FXR1: variants seen among roughly 807,000 people sequenced by gnomAD.
FXR1 encodes FMR1 autosomal homolog 1.
A neutral mutation model predicts 84.0 loss-of-function variants in FXR1; 15 were observed. The observed-to-expected ratio is 0.18, with a 90% CI of 0.12 to 0.27. The LOEUF is 0.27. FXR1 is among the 10% of genes least tolerant of loss of function. The pLI is 1.00. For missense variants in FXR1, 480 were observed against 774.4 expected, an observed-to-expected ratio of 0.62 and a Z score of 4.51; for synonymous variants, 245 against 250.7, an observed-to-expected ratio of 0.98 and a Z score of 0.21.
intron 3 of FXR1, among the ~76,000 whole-genome samples, chr3:180,936,089 A>G (rs1409508200): frequency 6.6e-6 from 1 of 151,498 alleles, no homozygotes; most frequent in East Asian, 2.0e-4. Flanking sequence ...ACGGGCTTTC[A>G]TGATGTTGGC....
chr3:180,932,077 A>AAAAAAAAAAC (rs2108442248), intron 1 of FXR1, among the ~76,000 whole-genome samples: 1 of 138,884 alleles, frequency 7.2e-6, no homozygotes, highest in South Asian at 2.1e-4. Context: ...GTAAGTTTCA[A>AAAAAAAAAAC]AAAAAAAAAA....
intron 15 of FXR1, among the ~76,000 whole-genome samples, chr3:180,972,441 G>GAC (rs1349355039): frequency 6.6e-6 from 1 of 152,194 alleles, no homozygotes. Flanking sequence ...GGGTGACAGT[G>GAC]AGACCCTGTC....
chr3:180,964,862 C>A (rs985245894), intron 13 of FXR1, among the ~76,000 whole-genome samples: 1 of 151,482 alleles, frequency 6.6e-6, no homozygotes, highest in African/African-American at 2.4e-5. Flanking sequence ...TTGATGGCCT[C>A]TTGGAGTCGA....
At chr3:180,947,246 C>T (rs948045508) in intron 3 of FXR1, among the ~76,000 whole-genome samples, 3 of 152,090 alleles carry the variant, frequency 2.0e-5, no homozygotes, top group Non-Finnish European at 2.9e-5. Flanking sequence ...CAGGGTTTAC[C>T]GTGTTGGTCA....
At chr3:180,975,826 A>G (rs1424386161) in intron 16 of FXR1, among the ~76,000 whole-genome samples, 2 of 152,132 alleles carry the variant, frequency 1.3e-5, no homozygotes, top group Non-Finnish European at 2.9e-5. Flanking sequence ...TTAACTGTTT[A>G]TGTCATTTTC....
At chr3:180,975,998 T>C (rs1714191381) in intron 16 of FXR1, 124 bp from the exon 17 acceptor site, 2 of 641,746 alleles carry the variant, frequency 3.1e-6, no homozygotes, top group African/African-American at 1.9e-5. Flanking sequence ...TTTAATACTT[T>C]GATCCATTGT....
In FXR1 at chr3:180,961,551, A is replaced by G. The variant is rs754078133; in HGVS notation, c.1074A>G (p.Leu358=). The change falls in exon 11 of 17, where the codon CTA becomes CTG. Residue 358 remains leucine (L), a synonymous_variant. Coordinates refer to ENST00000357559, the MANE Select transcript of FXR1 (RefSeq NM_005087.4). ...QVLLEYHIAY[L]KEVEQLRMER... Reference sequence around the variant, plus strand: ...TTCTAGAGTATCATATTGCCTATCTAAAGGTTTGTATACGGTTCATACTAT... The same window carrying G: ...TTCTAGAGTATCATATTGCCTATCTGAAGGTTTGTATACGGTTCATACTAT... 2 of 1,398,698 alleles carry G rather than the reference A, an allele frequency of 1.4e-6. No individual in the cohort carries two copies. The highest frequency in any genetic ancestry group is 1.8e-4 in the Middle Eastern group (1 of 5,670). The allele number at this position is 1,398,698 out of a possible 1,614,324, so 86.6% of individuals were successfully genotyped here. A position where few individuals can be genotyped will look rare whatever the true frequency, so the allele number is the denominator to read the frequency against.
intron 15 of FXR1, chr3:180,971,534 C>T (rs1006760573): frequency 6.6e-6 from 1 of 152,444 alleles, no homozygotes; most frequent in Non-Finnish European, 1.5e-5. Flanking sequence ...ATGGTGCCTG[C>T]TTACTATATC....
At chr3:180,930,138 C>T (rs1337380638) in intron 1 of FXR1, among the ~76,000 whole-genome samples, 3 of 152,086 alleles carry the variant, frequency 2.0e-5, no homozygotes, top group African/African-American at 7.2e-5. Flanking sequence ...TGGCGTGTGC[C>T]TGTAATCCCA....
At position 180,915,664 on chromosome 3, in the gene FXR1, T is replaced by TA. The variant is rs566611444; in HGVS notation, c.51+2929dup. The TA allele has an allele frequency of 4.0e-4, 285 of 704,118 alleles. 1 individual carries two copies. The highest frequency in any genetic ancestry group is 1.0e-3 in the South Asian group (70 of 67,332). 43.6% of individuals were successfully genotyped at this position (704,118 alleles called of 1,614,324 possible). Reference sequence around the variant, plus strand: ...GAATTTCCCTTTTTTCCCCTCCTCTTACCCCGTATAGGCAGAAGACACACA... The same window carrying TA: ...GAATTTCCCTTTTTTCCCCTCCTCTTAACCCCGTATAGGCAGAAGACACACA... On this transcript the variant is annotated intron_variant, in intron 1 of 16. Coordinates refer to ENST00000357559, the MANE Select transcript of FXR1 (RefSeq NM_005087.4).
chr3:180,972,790 C>G (rs751860886), intron 15 of FXR1, among the ~76,000 whole-genome samples: 1 of 152,282 alleles, frequency 6.6e-6, no homozygotes, highest in Non-Finnish European at 1.5e-5. Context: ...CTACTTCCCT[C>G]TTTTAAAACT....
At chr3:180,921,990 AGTATTACT>A (rs556082987) in intron 1 of FXR1, among the ~76,000 whole-genome samples, 1 of 152,158 alleles carries the variant, frequency 6.6e-6, no homozygotes, top group African/African-American at 2.4e-5. Flanking sequence ...AGGGTTTTTC[AGTATTACT>A]GTATAAAAAT....
intron 9 of FXR1, chr3:180,957,586 C>T (rs1050055683): frequency 5.3e-6 from 2 of 377,394 alleles, no homozygotes; most frequent in Admixed American, 4.5e-5. Context: ...TACATGTGAG[C>T]ACTGTTGTCA....
At chr3:180,956,096 AC>A (rs1722715677) in intron 9 of FXR1, among the ~76,000 whole-genome samples, 1 of 152,206 alleles carries the variant, frequency 6.6e-6, no homozygotes, top group Non-Finnish European at 1.5e-5. Context: ...GAAAAAGAGA[AC>A]TGAGGATTAA....
intron 7 of FXR1, among the ~76,000 whole-genome samples, chr3:180,950,941 G>A (rs1235041384): frequency 6.6e-6 from 1 of 152,044 alleles, no homozygotes; most frequent in Non-Finnish European, 1.5e-5. Context: ...GGCCGCGTGT[G>A]GTAGCTCATG....
intron 1 of FXR1, among the ~76,000 whole-genome samples, chr3:180,924,121 G>A (rs890114546): frequency 3.3e-5 from 5 of 152,120 alleles, no homozygotes; most frequent in African/African-American, 9.7e-5. Flanking sequence ...ACCATGCCGA[G>A]CTAATTTTTG....
intron 4 of FXR1, 119 bp downstream of exon 4, chr3:180,948,055 T>C: frequency 1.5e-6 from 1 of 660,806 alleles, no homozygotes; most frequent in South Asian, 2.0e-5. Flanking sequence ...TGAGAAATAG[T>C]TGATCAGACA....
At chr3:180,958,771 C>T (rs1711673957) in intron 10 of FXR1, among the ~76,000 whole-genome samples, 1 of 150,044 alleles carries the variant, frequency 6.7e-6, no homozygotes, top group South Asian at 2.1e-4. Context: ...TCCCCTTACA[C>T]TTTTACATTG....
At chr3:180,925,981 A>G (rs529317200) in intron 1 of FXR1, among the ~76,000 whole-genome samples, 2 of 152,336 alleles carry the variant, frequency 1.3e-5, no homozygotes, top group Admixed American at 6.5e-5. Context: ...TTCACTATCT[A>G]ACAAACAGCC....
Sources: gnomAD v4.1 joint callset for allele counts (sites outside exome capture counted in the v4.1 genomes callset) on GRCh38, gnomAD v4.1.1 for gene constraint, MANE v1.5 for transcripts, NCBI Gene and HGNC (gene_info 2026-07-23, HGNC 2026-07-21) for gene names.